Variants in RIF1 observed in about 807,000 individuals in gnomAD.
RIF1 encodes replication timing regulatory factor 1, also known as telomere-associated protein RIF1.
A neutral mutation model predicts 247.1 loss-of-function variants in RIF1; 45 were observed. The observed-to-expected ratio is 0.18, with a 90% CI of 0.14 to 0.23. The LOEUF is 0.23. RIF1 is among the 10% of genes least tolerant of loss of function. The probability of loss-of-function intolerance (pLI) is 1.00; values close to 1 mark genes in which losing one functional copy is unlikely to be tolerated. For missense variants in RIF1, 2,967 were observed against 2,862.5 expected, an observed-to-expected ratio of 1.04 and a Z score of -0.83; for synonymous variants, 1,087 against 978.8, an observed-to-expected ratio of 1.11 and a Z score of -2.06.
At chr2:151,433,395 G>GT (rs1223048392) in intron 10 of RIF1, among the ~76,000 whole-genome samples, 167 bp downstream of exon 10, 1 of 152,048 alleles carries the variant, frequency 6.6e-6, no homozygotes, top group Non-Finnish European at 1.5e-5. Context: ...TTCCCACAAG[G>GT]GATATTGTTC....
At chr2:151,502,814 G>T in intron 11 of RIF1, 1 of 1,601,648 alleles carries the variant, frequency 6.2e-7, no homozygotes. Flanking sequence ...TCTCTTGATT[G>T]CGTTTGACTC....
In RIF1 at chr2:151,478,587, G is replaced by A. The variant is rs1457867444; in HGVS notation, c.*3516G>A. 3 of 151,760 alleles carry A rather than the reference G, an allele frequency of 2.0e-5. No individual in the cohort carries two copies. Among genetic ancestry groups the A allele is most frequent in the African/African-American group, 7.3e-5 (3 of 41,278 alleles). 9.4% of individuals were successfully genotyped at this position (151,760 alleles called of 1,614,324 possible). A position where few individuals can be genotyped will look rare whatever the true frequency, so the allele number is the denominator to read the frequency against. ...GTTACAATTTAAACATCATAAAAAT[G>A]TGAAGAGTAAGTGGTGAGGCAAGAA... On this transcript the variant is annotated 3_prime_UTR_variant, in exon 36 of 36. Transcript: ENST00000444746.
At chr2:151,453,299 G>A (rs1295780896) in intron 21 of RIF1, among the ~76,000 whole-genome samples, 2 of 152,060 alleles carry the variant, frequency 1.3e-5, no homozygotes, top group Admixed American at 1.3e-4. Flanking sequence ...ACTTTAGGCT[G>A]GGTGCAGTGG....
chr2:151,524,395 G>T, the RIF1 span: 1 of 1,613,942 alleles, frequency 6.2e-7, no homozygotes, highest in Admixed American at 1.7e-5. Flanking sequence ...CTTCCTTGCG[G>T]TGCTTGGCTC....
At chr2:151,439,994 A>AAAAAAAAAAAAAAT in intron 14 of RIF1, 33 bp from the exon 15 acceptor site, 1 of 872,738 alleles carries the variant, frequency 1.1e-6, no homozygotes, top group Non-Finnish European at 1.8e-6. Flanking sequence ...AAAAAAAAAA[A>AAAAAAAAAAAAAAT]AGAACTATAC....
At chr2:151,415,707 C>T (rs1687101304) in intron 4 of RIF1, among the ~76,000 whole-genome samples, 1 of 151,484 alleles carries the variant, frequency 6.6e-6, no homozygotes, top group Admixed American at 6.6e-5. Flanking sequence ...AACCCCGTCT[C>T]TACTAAAAAT....
At chr2:151,513,611 C>G in the RIF1 span, 8 of 1,609,710 alleles carry the variant, frequency 5.0e-6, no homozygotes, top group South Asian at 8.9e-5. Context: ...ATTCCTGGCC[C>G]TCATAAAATC....
intron 9 of RIF1, among the ~76,000 whole-genome samples, chr2:151,490,708 G>A (rs916347156): frequency 2.0e-5 from 3 of 152,152 alleles, no homozygotes; most frequent in African/African-American, 4.8e-5. Context: ...GAGAGCTTAC[G>A]TACATGACCA....
chr2:151,506,045 G>C, intron 12 of RIF1: 1 of 851,964 alleles, frequency 1.2e-6, no homozygotes, highest in Non-Finnish European at 2.0e-6. Flanking sequence ...TGGTACACAG[G>C]CACCTATTTT....
rs149199104 is a variant in RIF1, at chr2:151,409,978, C to T, written c.-66C>T. ...CGGAGCTGGGAAAGTCGAGCTCTGG[C>T]AGCGTCTGGGTGCTGAGGGGCAGAG... On this transcript the variant is annotated 5_prime_UTR_variant, in exon 1 of 36. Transcript: ENST00000444746. 83 of 702,206 alleles carry T rather than the reference C, an allele frequency of 1.2e-4. 2 individuals carry two copies. The highest frequency in any genetic ancestry group is 9.4e-4 in the South Asian group (63 of 67,294). The allele number at this position is 702,206 out of a possible 1,614,324, so 43.5% of individuals were successfully genotyped here.
chr2:151,438,164 C>A (rs1172342381), intron 13 of RIF1, among the ~76,000 whole-genome samples: 1 of 152,072 alleles, frequency 6.6e-6, no homozygotes, highest in African/African-American at 2.4e-5. Flanking sequence ...TCATTGTTAA[C>A]ATGTTATAGT....
At chr2:151,469,516 G>A (rs1038749201) in intron 33 of RIF1, among the ~76,000 whole-genome samples, 195 bp from the exon 34 acceptor site, 11 of 152,140 alleles carry the variant, frequency 7.2e-5, no homozygotes, top group African/African-American at 2.4e-4. Context: ...TCAGTTGCCA[G>A]TACTGTTGCT....
intron 10 of RIF1, chr2:151,498,233 AT>A (rs1052587221): frequency 1.7e-5 from 27 of 1,550,762 alleles, no homozygotes; most frequent in Admixed American, 3.9e-5. Flanking sequence ...GTTAAGTGGC[AT>A]TTTTTCCCCT....
At chr2:151,527,027 G>T in the RIF1 span, 1 of 1,575,540 alleles carries the variant, frequency 6.3e-7, no homozygotes, top group South Asian at 1.2e-5. Flanking sequence ...TTCAAACTGT[G>T]ATAGAAGAAA....
At chr2:151,446,620 A>G (rs780892842) in intron 20 of RIF1, 45 bp downstream of exon 20, 9 of 1,572,528 alleles carry the variant, frequency 5.7e-6, no homozygotes, top group Middle Eastern at 1.7e-4. Flanking sequence ...TTTTTAAAGG[A>G]TTCTTTTCAA....
At chr2:151,430,478 C>T (rs1377447373) in intron 9 of RIF1, among the ~76,000 whole-genome samples, 6 of 151,824 alleles carry the variant, frequency 4.0e-5, no homozygotes, top group Admixed American at 6.6e-5. Flanking sequence ...CCCGCTGCCA[C>T]GTCTGGCTAA....
the RIF1 span, chr2:151,524,281 G>T: frequency 1.3e-6 from 2 of 1,570,076 alleles, no homozygotes; most frequent in South Asian, 2.2e-5. Context: ...CTCCTCACAT[G>T]AGAGCCACCA....
intron 3 of RIF1, among the ~76,000 whole-genome samples, chr2:151,414,532 A>G (rs868250523): frequency 2.6e-5 from 4 of 152,100 alleles, no homozygotes; most frequent in Admixed American, 6.6e-5. Flanking sequence ...TTTCCCTGTC[A>G]TGTCTTTAGC....
In RIF1 at chr2:151,493,884, C is replaced by A; in HGVS notation, c.*416-1345C>A. 6.8e-7 allele frequency: 1 copy of A among 1,480,180 alleles called. No homozygotes were observed. Among genetic ancestry groups the A allele is most frequent in the Non-Finnish European group, 9.1e-7 (1 of 1,095,130 alleles). 91.7% of individuals were successfully genotyped at this position (1,480,180 alleles called of 1,614,324 possible). The stretch of plus-strand genomic sequence containing the variant: ...GTATAACACCTGTGAGATACAAAGT[C>A]ATGCCCGAAAGTCACTACGAGGTAA... On this transcript the variant is annotated intron_variant and NMD_transcript_variant, in intron 9 of 13. Coordinates refer to the RIF1 transcript ENST00000454583.
Sources: allele counts gnomAD v4.1 joint callset (sites outside exome capture counted in the v4.1 genomes callset), GRCh38; gene constraint gnomAD v4.1.1; transcripts MANE v1.5; gene names NCBI Gene and HGNC (gene_info 2026-07-23, HGNC 2026-07-21).